Variants in CTNND2 observed in about 807,000 individuals in gnomAD.
CTNND2 encodes the protein catenin delta-2.
Under a neutral mutation model 144.4 loss-of-function variants are expected in CTNND2, and 22 were observed. The ratio of observed to expected loss-of-function variants is 0.15; its 90% CI spans 0.11 to 0.22. The LOEUF (loss-of-function observed/expected upper bound fraction) is 0.22, where lower values mean the gene tolerates loss of function less well. Ranked by LOEUF, CTNND2 falls within the 10% of genes least tolerant of loss-of-function variation. The pLI is 1.00. For synonymous variants in CTNND2, 751 were observed against 695.6 expected (o/e 1.08, Z -1.25); for missense variants, 1,353 against 1,618.8 (o/e 0.84, Z 2.82).
chr5:11,047,476 C>G (rs969088821), intron 16 of CTNND2, among the ~76,000 whole-genome samples: 1 of 152,156 alleles, frequency 6.6e-6, no homozygotes, highest in African/African-American at 2.4e-5. Context: ...GAGAGAGGGA[C>G]AGGATATGTG....
intron 9 of CTNND2, among the ~76,000 whole-genome samples, chr5:11,268,883 T>C (rs1438190069): frequency 2.6e-5 from 4 of 152,222 alleles, no homozygotes; most frequent in African/African-American, 4.8e-5. Context: ...CCTTTTAAAC[T>C]CTGCCACTGT....
intron 3 of CTNND2, among the ~76,000 whole-genome samples, chr5:11,564,007 C>CT (rs1776879237): frequency 6.6e-6 from 1 of 152,128 alleles, no homozygotes; most frequent in East Asian, 1.9e-4. Context: ...CTAATGAACT[C>CT]TGAGTGCAGT....
intron 8 of CTNND2, among the ~76,000 whole-genome samples, chr5:11,358,586 T>C (rs1226948434): frequency 6.6e-6 from 1 of 152,226 alleles, no homozygotes; most frequent in African/African-American, 2.4e-5. Flanking sequence ...TTCACATCTT[T>C]GTGAACTCAA....
rs183789730 is a variant in CTNND2, at chr5:11,887,039, G to A, written c.37+16778C>T. Among the ~76,000 whole-genome samples the A allele has an allele frequency of 8.1e-4, 111 of 137,448 alleles. 1 individual carries two copies. Among genetic ancestry groups the A allele is most frequent in the Middle Eastern group, 4.4e-3 (1 of 228 alleles). 90.2% of individuals were successfully genotyped at this position (137,448 alleles called of 152,430 possible). ...CGCTCTGTCACCCAGGCTGGAGTGC[G>A]GTGGCGCGATCTCGGCTCACTGCAA... On this transcript the variant is annotated intron_variant, in intron 1 of 21. Transcript: ENST00000304623.
intron 6 of CTNND2, among the ~76,000 whole-genome samples, chr5:11,396,810 G>C (rs899626022): frequency 6.6e-6 from 1 of 152,094 alleles, no homozygotes; most frequent in African/African-American, 2.4e-5. Flanking sequence ...ACAATACATA[G>C]ATATTTCTAA....
At chr5:11,618,009 AT>A (rs1412520039) in intron 2 of CTNND2, among the ~76,000 whole-genome samples, 1 of 151,138 alleles carries the variant, frequency 6.6e-6, no homozygotes, top group African/African-American at 2.4e-5. Flanking sequence ...TGGCTCCTTT[AT>A]TTTTCACGTA....
chr5:11,452,948 G>C (rs1385055041), intron 3 of CTNND2, among the ~76,000 whole-genome samples: 1 of 152,206 alleles, frequency 6.6e-6, no homozygotes, highest in African/African-American at 2.4e-5. Context: ...ACACTCATCA[G>C]TGTTACTCAT....
chr5:11,566,580 T>C (rs1777120672), intron 2 of CTNND2, among the ~76,000 whole-genome samples: 1 of 152,238 alleles, frequency 6.6e-6, no homozygotes, highest in Non-Finnish European at 1.5e-5. Context: ...TTGAAGACCA[T>C]ACAGAACTCC....
intron 2 of CTNND2, among the ~76,000 whole-genome samples, chr5:11,706,913 A>G (rs985934352): frequency 2.0e-5 from 3 of 151,888 alleles, no homozygotes; most frequent in Admixed American, 6.6e-5. Context: ...GTGAAACCCC[A>G]TCTCTACTAA....
chr5:11,000,336 C>T (rs1739814941), intron 18 of CTNND2, among the ~76,000 whole-genome samples: 1 of 152,146 alleles, frequency 6.6e-6, no homozygotes, highest in African/African-American at 2.4e-5. Flanking sequence ...GCCTGACCAA[C>T]AGGGTGAAAC....
At chr5:11,374,066 T>TG (rs1195766828) in intron 7 of CTNND2, among the ~76,000 whole-genome samples, 1 of 151,928 alleles carries the variant, frequency 6.6e-6, no homozygotes, top group African/African-American at 2.4e-5. Flanking sequence ...CTGAGGAGGG[T>TG]GGGGTCAGTG....
intron 6 of CTNND2, among the ~76,000 whole-genome samples, chr5:11,396,213 T>A (rs1760115884): frequency 6.6e-6 from 1 of 152,168 alleles, no homozygotes; most frequent in Admixed American, 6.5e-5. Context: ...TAGAAGGACT[T>A]ATGTTGCTGA....
At chr5:11,068,415 T>C (rs1747852239) in intron 16 of CTNND2, among the ~76,000 whole-genome samples, 1 of 152,236 alleles carries the variant, frequency 6.6e-6, no homozygotes, top group Admixed American at 6.5e-5. Context: ...TAGTTCTATT[T>C]TTATAAGTTT....
At position 11,185,961 on chromosome 5, in the gene CTNND2, A is replaced by T. The variant is rs75117342; in HGVS notation, c.1975+13487T>A. Among the ~76,000 whole-genome samples the T allele has an allele frequency of 3.4e-3, 516 of 152,372 alleles. 2 individuals are homozygous for T. Among genetic ancestry groups the T allele is most frequent in the African/African-American group, 0.011 (477 of 41,580 alleles). ...TTAACTTGTAACTCGTGAGTTGCAAAGTAAAGCCACAAATCAGTTATGCAT... is the reference window on the plus strand; with the variant it reads ...TTAACTTGTAACTCGTGAGTTGCAATGTAAAGCCACAAATCAGTTATGCAT... On this transcript the variant is annotated intron_variant, in intron 11 of 21. Coordinates refer to ENST00000304623, the MANE Select transcript of CTNND2 (RefSeq NM_001332.4).
intron 19 of CTNND2, among the ~76,000 whole-genome samples, chr5:10,990,628 A>G (rs1738570650): frequency 1.3e-5 from 2 of 152,240 alleles, no homozygotes; most frequent in Admixed American, 6.5e-5. Flanking sequence ...ATTAGAATCC[A>G]ATATTGCCCA....
At chr5:11,144,702 T>C (rs1281332207) in intron 12 of CTNND2, among the ~76,000 whole-genome samples, 2 of 152,032 alleles carry the variant, frequency 1.3e-5, no homozygotes, top group African/African-American at 4.8e-5. Flanking sequence ...GGGACCGCCG[T>C]CTCACCCCTT....
intron 16 of CTNND2, among the ~76,000 whole-genome samples, chr5:11,071,290 C>A (rs1212022323): frequency 6.6e-6 from 1 of 152,158 alleles, no homozygotes; most frequent in Non-Finnish European, 1.5e-5. Flanking sequence ...GTAATCCCAG[C>A]ACTCTGGGAG....
At chr5:11,144,831 A>G (rs1036564861) in intron 12 of CTNND2, among the ~76,000 whole-genome samples, 1 of 152,152 alleles carries the variant, frequency 6.6e-6, no homozygotes, top group African/African-American at 2.4e-5. Context: ...AGATGTGTGT[A>G]GGATGCTATG....
At chr5:11,046,189 G>A (rs922505534) in intron 16 of CTNND2, among the ~76,000 whole-genome samples, 1 of 152,138 alleles carries the variant, frequency 6.6e-6, no homozygotes, top group Non-Finnish European at 1.5e-5. Flanking sequence ...TTAGTTAAGA[G>A]GTCATACTGG....
Sources: gnomAD v4.1 joint callset for allele counts (sites outside exome capture counted in the v4.1 genomes callset) on GRCh38, gnomAD v4.1.1 for gene constraint, MANE v1.5 for transcripts, NCBI Gene and HGNC (gene_info 2026-07-23, HGNC 2026-07-21) for gene names.